Variants in CHN2 observed in about 807,000 individuals in gnomAD.
CHN2 encodes beta-chimaerin.
Under a neutral mutation model 56.3 loss-of-function variants are expected in CHN2, and 35 were observed. The ratio of observed to expected loss-of-function variants is 0.62; its 90% CI spans 0.47 to 0.82. CHN2 has a LOEUF of 0.82. Among genes scored for constraint, CHN2 ranks in the 40% least tolerant of loss-of-function variants. CHN2 has a pLI of 0.00. For synonymous variants in CHN2, 210 were observed against 212.8 expected (o/e 0.99, Z 0.12); for missense variants, 491 against 580.5 (o/e 0.85, Z 1.58).
chr7:29,293,857 A>AAT (rs1792883118), intron 1 of CHN2, among the ~76,000 whole-genome samples: 1 of 78,496 alleles, frequency 1.3e-5, no homozygotes, highest in African/African-American at 5.0e-5. Context: ...GAGGCTGGGA[A>AAT]TTTTTTTTTT....
At chr7:29,292,782 C>A (rs145327768) in intron 1 of CHN2, 1 of 416,806 alleles carries the variant, frequency 2.4e-6, no homozygotes, top group African/African-American at 2.0e-5. Flanking sequence ...ACTCTTCCAC[C>A]TTTATCTGTA....
chr7:29,345,754 T>G (rs1797385833), intron 1 of CHN2, among the ~76,000 whole-genome samples: 1 of 152,074 alleles, frequency 6.6e-6, no homozygotes, highest in Non-Finnish European at 1.5e-5. Context: ...CATGCCTCTG[T>G]GTACAGAATA....
At chr7:29,198,758 G>C (rs969715163) in intron 1 of CHN2, among the ~76,000 whole-genome samples, 6 of 152,036 alleles carry the variant, frequency 3.9e-5, no homozygotes, top group African/African-American at 1.2e-4. Flanking sequence ...ATTAAAATAA[G>C]AACTTTTTGC....
intron 1 of CHN2, among the ~76,000 whole-genome samples, chr7:29,261,269 C>T (rs940893438): frequency 3.3e-5 from 5 of 152,210 alleles, no homozygotes; most frequent in African/African-American, 9.6e-5. Context: ...TAATGACCGG[C>T]GGAGGGGGTT....
At chr7:29,374,408 A>G (rs974508213) in intron 3 of CHN2, among the ~76,000 whole-genome samples, 35 of 152,188 alleles carry the variant, frequency 2.3e-4, no homozygotes, top group African/African-American at 6.0e-4. Context: ...TTTAAAAACA[A>G]AAAACTTTCT....
At position 29,395,134 on chromosome 7, in the gene CHN2, T is replaced by C. The variant is rs376377577; in HGVS notation, c.176+1424T>C. The stretch of plus-strand genomic sequence containing the variant: ...AGAAACTATTGACAATGGATACCTT[T>C]AGGGAGAGAGGAATTTTGCATTTTT... On this transcript the variant is annotated intron_variant, in intron 4 of 12. Transcript: ENST00000222792. Among the ~76,000 whole-genome samples, 4 of 152,228 alleles carry C rather than the reference T, an allele frequency of 2.6e-5. No homozygotes were observed. In the East Asian group the frequency reaches 7.7e-4, roughly 29 times the overall value.
At chr7:29,248,107 A>G (rs949553691) in intron 1 of CHN2, among the ~76,000 whole-genome samples, 20 of 152,226 alleles carry the variant, frequency 1.3e-4, no homozygotes, top group Non-Finnish European at 2.2e-4. Flanking sequence ...AGCGAAGCAC[A>G]GACATTAGAT....
chr7:29,477,620 A>T (rs1039442503), intron 6 of CHN2, among the ~76,000 whole-genome samples: 1 of 152,222 alleles, frequency 6.6e-6, no homozygotes. Flanking sequence ...TTACCTGTAG[A>T]CTAAGGATGG....
intron 3 of CHN2, among the ~76,000 whole-genome samples, chr7:29,383,541 A>T (rs895428863): frequency 1.8e-4 from 27 of 152,214 alleles, no homozygotes; most frequent in Non-Finnish European, 3.1e-4. Context: ...ACCGTCCCAG[A>T]CACAACCAGA....
chr7:29,449,540 C>CTA (rs1431111128), intron 6 of CHN2, among the ~76,000 whole-genome samples: 1 of 152,176 alleles, frequency 6.6e-6, no homozygotes, highest in African/African-American at 2.4e-5. Flanking sequence ...AGGACAGAGA[C>CTA]TATATGGGCT....
intron 3 of CHN2, among the ~76,000 whole-genome samples, chr7:29,374,614 G>A (rs545596703): frequency 2.0e-4 from 31 of 152,156 alleles, no homozygotes; most frequent in Non-Finnish European, 3.2e-4. Flanking sequence ...CTGTTATGGA[G>A]TTCAGAGCCA....
chr7:29,470,866 T>C (rs922441985), intron 6 of CHN2, among the ~76,000 whole-genome samples: 3 of 152,180 alleles, frequency 2.0e-5, no homozygotes, highest in Admixed American at 2.0e-4. Flanking sequence ...TGTCAGTCAT[T>C]TGGGGCACTT....
chr7:29,504,872 A>G (rs1396309635), intron 10 of CHN2, 51 bp downstream of exon 10: 4 of 1,292,896 alleles, frequency 3.1e-6, no homozygotes, highest in Non-Finnish European at 4.5e-6. Context: ...ACCCTTCTCG[A>G]TTGGAAGTAG....
chr7:29,198,275 T>C (rs879347567), intron 1 of CHN2, among the ~76,000 whole-genome samples: 4 of 152,310 alleles, frequency 2.6e-5, no homozygotes, highest in African/African-American at 9.6e-5. Flanking sequence ...GAGATTTAGG[T>C]ATGTTTGTGT....
intron 2 of CHN2, among the ~76,000 whole-genome samples, chr7:29,186,936 T>G (rs1346021533): frequency 6.6e-6 from 1 of 152,208 alleles, no homozygotes. Context: ...AGCATTTTAA[T>G]TAAGATATTA....
intron 1 of CHN2, among the ~76,000 whole-genome samples, chr7:29,267,386 T>G (rs1171894718): frequency 6.6e-6 from 1 of 151,860 alleles, no homozygotes; most frequent in African/African-American, 2.4e-5. Flanking sequence ...GGGATTACAG[T>G]TGCCTGCCAC....
chr7:29,214,132 G>A lies in CHN2; in HGVS notation c.49+19142G>A, dbSNP rs570760074. On this transcript the variant is annotated intron_variant, in intron 1 of 12. Coordinates refer to ENST00000222792, the MANE Select transcript of CHN2 (RefSeq NM_004067.4). The stretch of plus-strand genomic sequence containing the variant: ...CTCATCTCCAGAAATGAGTCAATTC[G>A]ATCCGATTTCCCTTTTTAGACTTCC... Among the ~76,000 whole-genome samples, 7 of 152,186 alleles carry A rather than the reference G, an allele frequency of 4.6e-5. No homozygotes were observed. In the East Asian group the frequency reaches 7.7e-4, roughly 17 times the overall value.
chr7:29,303,158 C>T (rs1456899844), intron 1 of CHN2, among the ~76,000 whole-genome samples: 1 of 152,196 alleles, frequency 6.6e-6, no homozygotes, highest in Non-Finnish European at 1.5e-5. Context: ...TCCCCCTAGT[C>T]ATTGCCGTGC....
intron 4 of CHN2, chr7:29,397,406 A>C (rs191801409): frequency 6.6e-6 from 1 of 152,202 alleles, no homozygotes; most frequent in Non-Finnish European, 1.5e-5. Flanking sequence ...CTCTGTCCAG[A>C]AAATTTATTC....
Sources: gnomAD v4.1 joint callset for allele counts (sites outside exome capture counted in the v4.1 genomes callset) on GRCh38, gnomAD v4.1.1 for gene constraint, MANE v1.5 for transcripts, NCBI Gene and HGNC (gene_info 2026-07-23, HGNC 2026-07-21) for gene names.